Variants in CUEDC1 observed in about 807,000 individuals in gnomAD.
CUEDC1 encodes the protein CUE domain containing 1, also known as CUE domain-containing protein 1.
CUEDC1 carries 30 observed loss-of-function variants against 43.7 expected under a neutral mutation model. The observed-to-expected ratio is 0.69, with a 90% CI of 0.51 to 0.93. CUEDC1 has a LOEUF of 0.93. Among genes scored for constraint, CUEDC1 ranks in the 40% least tolerant of loss-of-function variants. The pLI is 0.00. For synonymous variants in CUEDC1, 223 were observed against 223.6 expected, an observed-to-expected ratio of 1.00 and a Z score of 0.02; for missense variants, 486 against 549.0, an observed-to-expected ratio of 0.89 and a Z score of 1.15.
chr17:57,924,732 A>G (rs12941148), intron 1 of CUEDC1, among the ~76,000 whole-genome samples: 5,855 of 152,254 alleles, frequency 0.038, 126 homozygotes, highest in South Asian at 0.069. Flanking sequence ...TGAAGAGGCC[A>G]TGCTAGAAGC....
chr17:57,868,034 C>T, intron 8 of CUEDC1, 116 bp downstream of exon 8: 3 of 823,724 alleles, frequency 3.6e-6, no homozygotes, highest in South Asian at 1.5e-5. Flanking sequence ...AAGGGAAGGC[C>T]ACAGAGCCGG....
At chr17:57,867,765 C>A in intron 8 of CUEDC1, 1 of 473,634 alleles carries the variant, frequency 2.1e-6, no homozygotes, top group South Asian at 2.9e-5. Flanking sequence ...GAAGGGAGGG[C>A]CAACATGCTT....
At position 57,868,163 on chromosome 17, in the gene CUEDC1, A is replaced by G. The variant is rs745866260; in HGVS notation, c.1021T>C (p.Leu341=). The part of the protein sequence containing the change: ...KMRKSKRKHL[L]KHQSLGAAAS... ...TGGAAAGGATACGACTGATGCTTCAACAAGTGTTTCCTCTTTGACTTCCTC... is the reference window on the plus strand; with the variant it reads ...TGGAAAGGATACGACTGATGCTTCAGCAAGTGTTTCCTCTTTGACTTCCTC... The change falls in exon 8 of 11, where the codon TTG becomes CTG. Residue 341 remains leucine (L), a synonymous_variant. Transcript: ENST00000577830. 1 of 1,613,988 alleles carries G rather than the reference A, an allele frequency of 6.2e-7. No individual in the cohort carries two copies. Among genetic ancestry groups the G allele is most frequent in the Non-Finnish European group, 8.5e-7 (1 of 1,179,824 alleles).
At chr17:57,873,107 A>G (rs1334982067) in intron 4 of CUEDC1, among the ~76,000 whole-genome samples, 4 of 152,162 alleles carry the variant, frequency 2.6e-5, no homozygotes, top group Admixed American at 6.5e-5. Flanking sequence ...ACCTTCATCT[A>G]CAACCTGAAC....
intron 1 of CUEDC1, among the ~76,000 whole-genome samples, chr17:57,949,509 T>A (rs1189609515): frequency 9.4e-6 from 1 of 106,182 alleles, no homozygotes; most frequent in East Asian, 2.9e-4. Context: ...CCCCCCCAGC[T>A]CCACCCTCCC....
intron 1 of CUEDC1, among the ~76,000 whole-genome samples, chr17:57,926,868 G>A (rs1006377591): frequency 1.3e-5 from 2 of 152,248 alleles, no homozygotes; most frequent in South Asian, 2.1e-4. Flanking sequence ...GGGGCTCAGC[G>A]GCTGGTGCCA....
chr17:57,885,731 TAGGAGAGTACGGGCGCGGGGCCCCAG>T lies in CUEDC1; in HGVS notation c.-193_-168del. The T allele has an allele frequency of 8.6e-7, 1 of 1,169,050 alleles. No individual in the cohort carries two copies. The highest frequency in any genetic ancestry group is 1.1e-6 in the Non-Finnish European group (1 of 915,266). The allele number at this position is 1,169,050 out of a possible 1,614,324, so 72.4% of individuals were successfully genotyped here. A position where few individuals can be genotyped will look rare whatever the true frequency, so the allele number is the denominator to read the frequency against. ...CAATGGGCTGCCAAGAGCTCCGGGT[TAGGAGAGTACGGGCGCGGGGCCCCAG>T]GCAGCCCTTGGAGAGCGGTCCTCGC... On this transcript the variant is annotated 5_prime_UTR_variant, in exon 2 of 11. The change creates a premature stop within an existing upstream ORF in the 5' untranslated region. Coordinates refer to ENST00000577830, the MANE Select transcript of CUEDC1 (RefSeq NM_001271875.2).
At chr17:57,946,739 G>C (rs932765397) in intron 1 of CUEDC1, among the ~76,000 whole-genome samples, 1 of 152,142 alleles carries the variant, frequency 6.6e-6, no homozygotes, top group African/African-American at 2.4e-5. Flanking sequence ...TCCCTAGCTC[G>C]AGGCTCAGTG....
At chr17:57,880,739 T>C (rs977853790) in intron 2 of CUEDC1, among the ~76,000 whole-genome samples, 15 of 152,300 alleles carry the variant, frequency 9.8e-5, no homozygotes, top group South Asian at 4.1e-4. Flanking sequence ...CCCAAGTAGA[T>C]GGAATTACAG....
intron 1 of CUEDC1, chr17:57,912,388 C>T (rs1207420280): frequency 1.3e-5 from 2 of 152,200 alleles, no homozygotes; most frequent in Admixed American, 6.5e-5. Flanking sequence ...GAAGACACTA[C>T]CTCCTAATTA....
chr17:57,897,838 C>T (rs1268312298), intron 1 of CUEDC1, among the ~76,000 whole-genome samples: 1 of 151,978 alleles, frequency 6.6e-6, no homozygotes, highest in East Asian at 1.9e-4. Flanking sequence ...CATGGTGAAA[C>T]CCCGACTCTA....
At chr17:57,936,232 CA>C (rs1405554155) in intron 1 of CUEDC1, among the ~76,000 whole-genome samples, 1 of 152,162 alleles carries the variant, frequency 6.6e-6, no homozygotes. Context: ...TGTGGACTCC[CA>C]GGGCCCCTGA....
At chr17:57,886,039 G>A (rs952023470) in intron 1 of CUEDC1, among the ~76,000 whole-genome samples, 160 bp from the exon 2 acceptor site, 3 of 152,330 alleles carry the variant, frequency 2.0e-5, no homozygotes, top group African/African-American at 7.2e-5. Flanking sequence ...CTTCAGTAAT[G>A]AAATCCCCAC....
chr17:57,880,784 T>G (rs2074193405), intron 2 of CUEDC1, among the ~76,000 whole-genome samples: 1 of 152,036 alleles, frequency 6.6e-6, no homozygotes, highest in African/African-American at 2.4e-5. Context: ...TCTTTGTATT[T>G]TTAGTAGAGA....
At chr17:57,873,993 ACT>A (rs2074074641) in intron 3 of CUEDC1, among the ~76,000 whole-genome samples, 1 of 152,192 alleles carries the variant, frequency 6.6e-6, no homozygotes, top group Non-Finnish European at 1.5e-5. Flanking sequence ...CACATGTGGA[ACT>A]CTGTGGATTT....
intron 3 of CUEDC1, among the ~76,000 whole-genome samples, chr17:57,879,296 C>T (rs1166709896): frequency 1.1e-4 from 17 of 152,216 alleles, no homozygotes; most frequent in Non-Finnish European, 1.3e-4. Context: ...CCCTGTTTGT[C>T]ATTCCTACTC....
At chr17:57,912,122 G>A (rs1424285537) in intron 1 of CUEDC1, among the ~76,000 whole-genome samples, 4 of 152,098 alleles carry the variant, frequency 2.6e-5, no homozygotes, top group African/African-American at 9.7e-5. Context: ...GCAGCCCAAC[G>A]CCCCCACCCC....
chr17:57,943,998 G>A (rs995701400), intron 1 of CUEDC1, among the ~76,000 whole-genome samples: 1 of 151,932 alleles, frequency 6.6e-6, no homozygotes, highest in South Asian at 2.1e-4. Flanking sequence ...CTCAGATCCT[G>A]CCTCCTCAGC....
Position 57,873,636 on chromosome 17 carries a change from CG to C in CUEDC1, c.545del (p.Pro182ArgfsTer65), listed in dbSNP as rs1568030032. ...GGGGCAGGATGCGGAGAAAGTCATC[CG>C]GAAGGTTGCCCAGCAGTGGTGGGTT... Reference protein sequence around the residue: ...NWNPPLLGNLPDDFLRILPQQ... With the variant: ...NWNPPLLGNLXDDFLRILPQQ... On this transcript the variant is annotated frameshift_variant, in exon 4 of 11. Coordinates refer to ENST00000577830, the MANE Select transcript of CUEDC1 (RefSeq NM_001271875.2). LOFTEE classifies it high-confidence loss of function. 4 of 1,603,880 alleles carry C rather than the reference CG, an allele frequency of 2.5e-6. No homozygotes were observed. Among genetic ancestry groups the C allele is most frequent in the Non-Finnish European group, 2.6e-6 (3 of 1,174,954 alleles).
Sources: allele counts gnomAD v4.1 joint callset (sites outside exome capture counted in the v4.1 genomes callset), GRCh38; gene constraint gnomAD v4.1.1; transcripts MANE v1.5; gene names NCBI Gene and HGNC (gene_info 2026-07-23, HGNC 2026-07-21).